Variants in REXO1 observed in about 807,000 individuals in gnomAD.
REXO1 encodes the protein REX1, RNA exonuclease 1 homolog.
REXO1 carries 42 observed loss-of-function variants against 102.6 expected under a neutral mutation model. The ratio of observed to expected loss-of-function variants is 0.41; its 90% CI spans 0.32 to 0.53. The LOEUF (loss-of-function observed/expected upper bound fraction) is 0.53. Ranked by LOEUF, REXO1 falls within the 20% of genes least tolerant of loss-of-function variation. The probability of loss-of-function intolerance (pLI) is 0.27; values close to 1 mark genes in which losing one functional copy is unlikely to be tolerated. For missense variants in REXO1, 1,819 were observed against 1,732.5 expected (o/e 1.05, Z -0.89); for synonymous variants, 908 against 779.1 (o/e 1.17, Z -2.76).
intron 4 of REXO1, chr19:1,821,964 C>T: frequency 1.8e-6 from 1 of 542,410 alleles, no homozygotes; most frequent in African/African-American, 2.0e-5. Flanking sequence ...GACCCCAAGC[C>T]CAAGGCGTCG....
chr19:1,816,783 G>A lies in REXO1; in HGVS notation c.3232C>T (p.Arg1078Cys), dbSNP rs1352723443. The A allele has an allele frequency of 6.2e-7, 1 of 1,612,626 alleles. No individual in the cohort carries two copies. Among genetic ancestry groups the A allele is most frequent in the Non-Finnish European group, 8.5e-7 (1 of 1,179,868 alleles). Residue 1078 changes from arginine (R) to cysteine (C), a missense_variant, in exon 13 of 16, where the codon CGC becomes TGC. Transcript: ENST00000170168. ...SYTTYGLELT[R>C]VTVVDTDVHV... Reference sequence around the variant, plus strand: ...ACGTCCGTGTCGACCACCGTGACGCGCGTCAGCTCCAGGCCATATGTGGTG... The same window carrying A: ...ACGTCCGTGTCGACCACCGTGACGCACGTCAGCTCCAGGCCATATGTGGTG...
chr19:1,845,310 C>T (rs1033180758), intron 1 of REXO1, among the ~76,000 whole-genome samples: 2 of 152,210 alleles, frequency 1.3e-5, no homozygotes, highest in Admixed American at 1.3e-4. Flanking sequence ...ACACGGTGCC[C>T]GCCGTAAGGG....
intron 1 of REXO1, among the ~76,000 whole-genome samples, chr19:1,839,084 T>G (rs2011188768): frequency 6.6e-6 from 1 of 152,016 alleles, no homozygotes; most frequent in South Asian, 2.1e-4. Context: ...GGTGAAACTC[T>G]GTCTCTACTA....
rs143028457 is a variant in REXO1, at chr19:1,828,541, G to A, written c.248C>T (p.Pro83Leu). 4.1e-5 allele frequency: 66 copies of A among 1,604,158 alleles called. No homozygotes were observed. The highest frequency in any genetic ancestry group is 4.9e-5 in the Non-Finnish European group (58 of 1,179,858). ...GTLGLGEEPRPDVLELELVNQ... is the reference protein window; with the variant it reads ...GTLGLGEEPRLDVLELELVNQ... ...GACCAGCTCCAACTCCAGCACATCC[G>A]GGCGCGGCTCCTCCCCCAGGCCCAG... The change falls in exon 2 of 16, where the codon CCG (proline) becomes CTG (leucine). Residue 83 changes from proline to leucine, a missense_variant. By Grantham distance (98) the Pro-to-Leu change is moderately conservative. Coordinates refer to ENST00000170168, the MANE Select transcript of REXO1 (RefSeq NM_020695.4).
Position 1,828,001 on chromosome 19 carries a change from CG to C in REXO1, c.787del (p.Arg263AlafsTer230), listed in dbSNP as rs2069791009. On this transcript the variant is annotated frameshift_variant, in exon 2 of 16. Transcript: ENST00000170168. LOFTEE classifies it high-confidence loss of function. ...AGCAGGTGTGTAGGGCTCACTGCCG[CG>C]GGAGCCCCGGGGCCGCTTGGCGGCC... ...ERAAKRPRGS[R>X]GSEPYTPAPK... The C allele has an allele frequency of 6.2e-7, 1 of 1,612,814 alleles. No individual in the cohort carries two copies. Among genetic ancestry groups the C allele is most frequent in the Non-Finnish European group, 8.5e-7 (1 of 1,179,654 alleles).
chr19:1,844,998 T>G (rs917368143), intron 1 of REXO1, among the ~76,000 whole-genome samples: 5 of 152,134 alleles, frequency 3.3e-5, no homozygotes, highest in African/African-American at 1.2e-4. Context: ...CCGGAAGGGT[T>G]CCCTCTCCTG....
rs138753425 is a variant in REXO1, at chr19:1,816,799, A to G, written c.3216T>C (p.Tyr1072=). The change falls in exon 13 of 16, where the codon TAT becomes TAC. Residue 1072 remains tyrosine (Y), a synonymous_variant. Coordinates refer to ENST00000170168, the MANE Select transcript of REXO1 (RefSeq NM_020695.4). The stretch of plus-strand genomic sequence containing the variant: ...CCGTGACGCGCGTCAGCTCCAGGCC[A>G]TATGTGGTGTAGGACTGCGGGCAAG... ...ALDCEMSYTT[Y]GLELTRVTVV... The G allele has an allele frequency of 4.4e-4, 706 of 1,609,860 alleles. 4 individuals are homozygous for G. The African/African-American group carries it at 7.5e-3, about 17-fold the overall frequency.
chr19:1,821,294 A>C (rs1443885962), intron 5 of REXO1, among the ~76,000 whole-genome samples: 1 of 151,644 alleles, frequency 6.6e-6, no homozygotes, highest in African/African-American at 2.4e-5. Flanking sequence ...GCAGTGAGCC[A>C]AGATCGTGCC....
Position 1,823,556 on chromosome 19 carries a change from C to A in REXO1, c.2230+16G>T, listed in dbSNP as rs1213414503. Reference sequence around the variant, plus strand: ...CCCACGGCCCCCCGGCACAGGCCCCCTGGGCCAGGACTCACCTGCAGCCAG... The same window carrying A: ...CCCACGGCCCCCCGGCACAGGCCCCATGGGCCAGGACTCACCTGCAGCCAG... On this transcript the variant is annotated intron_variant, in intron 4 of 15. Transcript: ENST00000170168. 7.7e-7 allele frequency: 1 copy of A among 1,295,750 alleles called. No homozygotes were observed. Among genetic ancestry groups the A allele is most frequent in the Non-Finnish European group, 9.9e-7 (1 of 1,014,254 alleles). 80.3% of individuals were successfully genotyped at this position (1,295,750 alleles called of 1,614,324 possible).
rs200953332 is a variant in REXO1 at position 1,817,319 on chromosome 19, T to A, written c.3101A>T (p.Gln1034Leu). ...VGCQVAKQHV[Q>L]DGRKERLEGF... is the part of the protein sequence containing the mutation. ...CTCAAGGCGCTCCTTCCGGCCATCC[T>A]GCACGTGTTGCTGGGGGTGGAGAAG... The change falls in exon 12 of 16, where the codon CAG becomes CTG. Residue 1034 changes from glutamine to leucine, a missense_variant. Physicochemically the swap from Gln to Leu is moderately radical, Grantham distance 113. Transcript: ENST00000170168. The A allele has an allele frequency of 2.5e-6, 4 of 1,612,406 alleles. No homozygotes were observed. The highest frequency in any genetic ancestry group is 3.4e-6 in the Non-Finnish European group (4 of 1,179,990).
intron 1 of REXO1, among the ~76,000 whole-genome samples, chr19:1,843,529 TC>T (rs2011395032): frequency 6.6e-6 from 1 of 151,984 alleles, no homozygotes; most frequent in Admixed American, 6.5e-5. Context: ...GCACCAACCG[TC>T]CCTCCAGCAA....
chr19:1,832,363 G>A (rs1212801778), intron 1 of REXO1, among the ~76,000 whole-genome samples: 1 of 152,240 alleles, frequency 6.6e-6, no homozygotes, highest in Non-Finnish European at 1.5e-5. Flanking sequence ...GACGAATGCA[G>A]CCTCACCGGG....
chr19:1,844,756 T>C (rs1423710945), intron 1 of REXO1, among the ~76,000 whole-genome samples: 1 of 152,216 alleles, frequency 6.6e-6, no homozygotes, highest in East Asian at 1.9e-4. Flanking sequence ...CGCACACACG[T>C]CTGCCGCTCA....
At chr19:1,828,675 G>C (rs747615176) in intron 1 of REXO1, 44 bp from the exon 2 acceptor site, 819 of 1,543,336 alleles carry the variant, frequency 5.3e-4, no homozygotes, top group Non-Finnish European at 6.8e-4. Context: ...CTGCCGGAGA[G>C]GAGCCCGCAG....
rs2069497607 is a variant in REXO1 at position 1,820,402 on chromosome 19, G to A, written c.2395-7C>T. ...TAATGGGTTTCTTTAAACTCTAGAG[G>A]GAAGGCAAAAGCTGCCATGGGTGAG... On this transcript the variant is annotated splice_polypyrimidine_tract_variant and splice_region_variant and intron_variant, in intron 5 of 15. Transcript: ENST00000170168. The A allele has an allele frequency of 1.2e-6, 2 of 1,612,460 alleles. No individual in the cohort carries two copies. Among genetic ancestry groups the A allele is most frequent in the African/African-American group, 1.3e-5 (1 of 74,976 alleles).
At chr19:1,821,252 A>G (rs891936189) in intron 5 of REXO1, among the ~76,000 whole-genome samples, 2 of 151,484 alleles carry the variant, frequency 1.3e-5, no homozygotes, top group Admixed American at 6.6e-5. Context: ...GGCTGAGGCC[A>G]GAGAATGGCG....
rs1430923629 is a variant in REXO1 at position 1,848,459 on chromosome 19, G to C, written c.-101C>G. 3 of 909,258 alleles carry C rather than the reference G, an allele frequency of 3.3e-6. No individual in the cohort carries two copies. Among genetic ancestry groups the C allele is most frequent in the Non-Finnish European group, 4.0e-6 (3 of 742,378 alleles). 56.3% of individuals were successfully genotyped at this position (909,258 alleles called of 1,614,324 possible). ...CCGCCCGCGCCTCACGGACCCCGCC[G>C]CCGCCATCTTGCTCCGAGGCCCCCG... On this transcript the variant is annotated 5_prime_UTR_variant, in exon 1 of 16. Coordinates refer to ENST00000170168, the MANE Select transcript of REXO1 (RefSeq NM_020695.4).
In REXO1 at chr19:1,848,184, C is replaced by T. The variant is rs2145351672; in HGVS notation, c.157+18G>A. ...GCAGGGGAGCCGAGCCCAAGGCAAG[C>T]AGGCGGGCGGGCATTACCTGCTGCG... On this transcript the variant is annotated intron_variant, in intron 1 of 15. Coordinates refer to ENST00000170168, the MANE Select transcript of REXO1 (RefSeq NM_020695.4). 4 of 1,186,708 alleles carry T rather than the reference C, an allele frequency of 3.4e-6. No homozygotes were observed. Among genetic ancestry groups the T allele is most frequent in the Non-Finnish European group, 4.2e-6 (4 of 947,960 alleles). The allele number at this position is 1,186,708 out of a possible 1,614,324, so 73.5% of individuals were successfully genotyped here.
chr19:1,846,294 C>T (rs1269240190), intron 1 of REXO1, among the ~76,000 whole-genome samples: 3 of 152,108 alleles, frequency 2.0e-5, no homozygotes, highest in South Asian at 2.1e-4. Context: ...GAACATGTCA[C>T]GGAGGCGGAA....
Sources: gnomAD v4.1 joint callset for allele counts (sites outside exome capture counted in the v4.1 genomes callset) on GRCh38, gnomAD v4.1.1 for gene constraint, MANE v1.5 for transcripts, NCBI Gene and HGNC (gene_info 2026-07-23, HGNC 2026-07-21) for gene names.